The following PABPC1 variants were observed in gnomAD, a reference collection of about 807,000 sequenced individuals.
PABPC1 encodes poly(A) binding protein cytoplasmic 1.
Under a neutral mutation model 74.0 loss-of-function variants are expected in PABPC1, and 4 were observed. That is an observed-to-expected ratio of 0.05 (90% CI 0.03 to 0.12). The LOEUF (loss-of-function observed/expected upper bound fraction) is 0.12, where lower values mean the gene tolerates loss of function less well. Among genes scored for constraint, PABPC1 ranks in the 10% least tolerant of loss-of-function variants. PABPC1 has a pLI of 1.00. For synonymous variants in PABPC1, 227 were observed against 264.1 expected (o/e 0.86, Z 1.36); for missense variants, 271 against 821.1 (o/e 0.33, Z 8.19).
chr8:100,704,788 C>T (rs1282181975), intron 13 of PABPC1, 138 bp downstream of exon 13: 1 of 868,012 alleles, frequency 1.2e-6, no homozygotes, highest in East Asian at 2.6e-5. Flanking sequence ...ATAAATAGCG[C>T]CACAGGTTAT....
chr8:100,706,151 T>C (rs181009342), intron 11 of PABPC1, among the ~76,000 whole-genome samples: 126 of 152,268 alleles, frequency 8.3e-4, no homozygotes, highest in African/African-American at 2.5e-3. Context: ...GCCTGGCCCA[T>C]AGCTACTTGT....
chr8:100,708,878 C>T (rs1049189133), intron 9 of PABPC1, among the ~76,000 whole-genome samples: 3 of 94,022 alleles, frequency 3.2e-5, no homozygotes, highest in South Asian at 3.1e-4. Flanking sequence ...GACTCTGTCT[C>T]GAAAATAAAT....
Position 100,707,002 on chromosome 8 carries a change from A to G in PABPC1, c.1337-5T>C, listed in dbSNP as rs764142058. 25 of 1,541,292 alleles carry G rather than the reference A, an allele frequency of 1.6e-5. No individual in the cohort carries two copies. The South Asian group carries it at 2.5e-4, about 15-fold the overall frequency. On this transcript the variant is annotated splice_polypyrimidine_tract_variant and splice_region_variant and intron_variant, in intron 9 of 14. Coordinates refer to ENST00000318607, the MANE Select transcript of PABPC1 (RefSeq NM_002568.4). ...CACCGGGCATATTTTGGAATGCTGC[A>G]TTTTAAAGATGTGAATATACATTAA...
rs1234644734 is a variant in PABPC1 at position 100,715,158 on chromosome 8, C to CACACACACACACAT, written c.643+303_643+304insATGTGTGTGTGTGT. On this transcript the variant is annotated intron_variant, in intron 4 of 14. Coordinates refer to ENST00000318607, the MANE Select transcript of PABPC1 (RefSeq NM_002568.4). ...ACACACACACACACACACACACACA[C>CACACACACACACAT]ATATATATCTCCAGCCTCTTAATGT... Among the ~76,000 whole-genome samples, 86 of 76,210 alleles carry CACACACACACACAT rather than the reference C, an allele frequency of 1.1e-3. 1 individual carries two copies. Among genetic ancestry groups the CACACACACACACAT allele is most frequent in the Middle Eastern group, 6.2e-3 (1 of 162 alleles). The allele number at this position is 76,210 out of a possible 152,430, so 50.0% of individuals were successfully genotyped here.
At chr8:100,708,620 ACT>A (rs1285625587) in intron 9 of PABPC1, among the ~76,000 whole-genome samples, 1 of 152,196 alleles carries the variant, frequency 6.6e-6, no homozygotes, top group East Asian at 1.9e-4. Flanking sequence ...TCACGCCTGT[ACT>A]CTCAACACTT....
rs1257353119 is a variant in PABPC1 at position 100,718,154 on chromosome 8, T to G, written c.320A>C (p.Asp107Ala). ...GVGNIFIKNLDKSIDNKALYD... is the reference protein window; with the variant it reads ...GVGNIFIKNLAKSIDNKALYD... ...CAGTGCTTTATTATCAATGGATTTG[T>G]CCAGATTTTTAATGAATATGTTGCC... is the stretch of plus-strand genomic sequence containing the variant. Residue 107 changes from aspartate to alanine, a missense_variant, in exon 2 of 15, where the codon GAC (aspartate) becomes GCC (alanine). Physicochemically the swap from Asp to Ala is moderately radical, Grantham distance 126 (BLOSUM62 -2). This residue lies in a region of PABPC1 where 47 missense variants were observed against 214.1 expected (regional missense o/e 0.22). Transcript: ENST00000318607. The G allele has an allele frequency of 6.2e-7, 1 of 1,614,084 alleles. No individual in the cohort carries two copies. Among genetic ancestry groups the G allele is most frequent in the Non-Finnish European group, 8.5e-7 (1 of 1,180,018 alleles).
chr8:100,704,124 A>C, intron 14 of PABPC1, 173 bp downstream of exon 14: 1 of 560,760 alleles, frequency 1.8e-6, no homozygotes, highest in South Asian at 2.4e-5. Flanking sequence ...TTAACGGGTA[A>C]AATTCCTTTA....
At position 100,706,646 on chromosome 8, in the gene PABPC1, C is replaced by A; in HGVS notation, c.1602+5G>T. ...ATTTTTATTAAGAAATCATTAAATC[C>A]ATACCTGTTGCATTGTAACTTGTGG... On this transcript the variant is annotated splice_donor_5th_base_variant and intron_variant, in intron 11 of 14. Transcript: ENST00000318607. The A allele has an allele frequency of 6.9e-7, 1 of 1,455,030 alleles. No homozygotes were observed. The highest frequency in any genetic ancestry group is 1.3e-5 in the South Asian group (1 of 78,400). The allele number at this position is 1,455,030 out of a possible 1,614,324, so 90.1% of individuals were successfully genotyped here.
chr8:100,711,700 C>T (rs1013292242), intron 7 of PABPC1, among the ~76,000 whole-genome samples: 1 of 152,254 alleles, frequency 6.6e-6, no homozygotes, highest in Non-Finnish European at 1.5e-5. Flanking sequence ...CATTTCCTCA[C>T]TCTCACAGAA....
chr8:100,721,605 G>A lies in PABPC1; in HGVS notation c.-22C>T, dbSNP rs373004498. On this transcript the variant is annotated 5_prime_UTR_variant, in exon 1 of 15. Transcript: ENST00000318607. This position sits in a 1 kb window ranked among gnomAD's most constrained non-coding sequence, Gnocchi z 7.4. ...TCATCTCGGCACGGCTGCCCGCAGG[G>A]CCACAGGCCGCGACCTTTCCGTGAG... 8.7e-6 allele frequency: 13 copies of A among 1,500,448 alleles called. No homozygotes were observed. Among genetic ancestry groups the A allele is most frequent in the African/African-American group, 2.8e-5 (2 of 71,264 alleles). The allele number at this position is 1,500,448 out of a possible 1,614,324, so 92.9% of individuals were successfully genotyped here.
intron 12 of PABPC1, 89 bp from the exon 13 acceptor site, chr8:100,705,145 CATA>C: frequency 9.7e-7 from 1 of 1,028,444 alleles, no homozygotes; most frequent in South Asian, 1.5e-5. Flanking sequence ...GTTTAAGAAC[CATA>C]CTTCTGTCTC....
At chr8:100,717,635 T>C (rs1175350711) in intron 3 of PABPC1, 138 bp downstream of exon 3, 1 of 609,170 alleles carries the variant, frequency 1.6e-6, no homozygotes, top group East Asian at 2.8e-5. Context: ...ATTTTTGTTA[T>C]TCATCTTTAA....
At chr8:100,705,145 C>T in intron 12 of PABPC1, 89 bp from the exon 13 acceptor site, 1 of 1,028,444 alleles carries the variant, frequency 9.7e-7, no homozygotes, top group Non-Finnish European at 1.5e-6. Context: ...GTTTAAGAAC[C>T]ATACTTCTGT....
At chr8:100,719,095 T>G (rs1250593343) in intron 1 of PABPC1, among the ~76,000 whole-genome samples, 1 of 152,204 alleles carries the variant, frequency 6.6e-6, no homozygotes, top group Non-Finnish European at 1.5e-5. Flanking sequence ...AATCTACAAT[T>G]AATTTCAGGA....
chr8:100,706,761 C>T lies in PABPC1; in HGVS notation c.1492G>A (p.Ala498Thr), dbSNP rs777357002. 6.9e-5 allele frequency: 111 copies of T among 1,613,750 alleles called. No homozygotes were observed. The highest frequency in any genetic ancestry group is 9.1e-5 in the Non-Finnish European group (107 of 1,179,720). Residue 498 changes from alanine to threonine, a missense_variant, in exon 11 of 15, where the codon GCC becomes ACC. This residue lies in a region of PABPC1 where 103 missense variants were observed against 245.3 expected (regional missense o/e 0.42). Transcript: ENST00000318607. ...QTMGPRPAAAAAAATPAVRTV... is the reference protein window; with the variant it reads ...QTMGPRPAAATAAATPAVRTV... ...CGGACAGCAGGAGTAGCTGCAGCGG[C>T]TGCAGCTGCAGGACGTGGACCCATT... is the stretch of plus-strand genomic sequence containing the variant.
At chr8:100,708,999 TA>T in intron 9 of PABPC1, 133 bp downstream of exon 9, 2 of 752,300 alleles carry the variant, frequency 2.7e-6, no homozygotes, top group Non-Finnish European at 2.3e-6. Flanking sequence ...TTAAATGCTA[TA>T]AAAATGAACA....
intron 14 of PABPC1, 104 bp downstream of exon 14, chr8:100,704,193 T>G (rs1313462180): frequency 1.2e-6 from 1 of 860,324 alleles, no homozygotes; most frequent in East Asian, 2.4e-5. Context: ...TTAAATGAAC[T>G]GTAAAATGAT....
chr8:100,705,784 T>G (rs1182954157), intron 11 of PABPC1, 111 bp from the exon 12 acceptor site: 2 of 729,390 alleles, frequency 2.7e-6, no homozygotes, highest in Non-Finnish European at 4.9e-6. Flanking sequence ...AAACATGAGG[T>G]GGAGAAGTTG....
rs62513924 is a variant in PABPC1 at position 100,706,776 on chromosome 8, G to A, written c.1477C>T (p.Arg493Cys). The A allele has an allele frequency of 0.075, 78,541 of 1,043,516 alleles. No individual in the cohort carries two copies. The highest frequency in any genetic ancestry group is 0.2 in the Middle Eastern group (770 of 3,860). The allele number at this position is 1,043,516 out of a possible 1,614,324, so 64.6% of individuals were successfully genotyped here. A position where few individuals can be genotyped will look rare whatever the true frequency, so the allele number is the denominator to read the frequency against. Residue 493 changes from arginine to cysteine, a missense_variant, in exon 11 of 15, where the codon CGT becomes TGT. Physicochemically the swap from Arg to Cys is radical, Grantham distance 180. This residue lies in a region of PABPC1 where 103 missense variants were observed against 245.3 expected (regional missense o/e 0.42). Coordinates refer to ENST00000318607, the MANE Select transcript of PABPC1 (RefSeq NM_002568.4). ...GCTGCAGCGGCTGCAGCTGCAGGACGTGGACCCATTGTCTGTGTTGATGTG... is the reference window on the plus strand; with the variant it reads ...GCTGCAGCGGCTGCAGCTGCAGGACATGGACCCATTGTCTGTGTTGATGTG... ...ANTSTQTMGP[R>C]PAAAAAAATP... is the part of the protein sequence containing the mutation.
Sources: allele counts gnomAD v4.1 joint callset (sites outside exome capture counted in the v4.1 genomes callset), GRCh38; gene constraint gnomAD v4.1.1; regional missense constraint gnomAD v4.1.1; non-coding constraint Gnocchi (gnomAD v3.1); transcripts MANE v1.5; gene names NCBI Gene and HGNC (gene_info 2026-07-23, HGNC 2026-07-21).